CMIP: variants seen among roughly 807,000 people sequenced by gnomAD.
The protein encoded by CMIP is c-Maf inducing protein.
In CMIP, 13 loss-of-function variants were observed where a neutral mutation model predicts 97.3. The ratio of observed to expected loss-of-function variants is 0.13; its 90% CI spans 0.09 to 0.21. The LOEUF is 0.21. Among genes scored for constraint, CMIP ranks in the 10% least tolerant of loss-of-function variants. CMIP has a pLI of 1.00. For synonymous variants in CMIP, 538 were observed against 436.3 expected, an observed-to-expected ratio of 1.23 and a Z score of -2.91; for missense variants, 847 against 1,024.9, an observed-to-expected ratio of 0.83 and a Z score of 2.37.
Position 81,652,467 on chromosome 16 carries a change from GTGT to G in CMIP, c.639+109_639+111del. 9.6e-7 allele frequency: 1 copy of G among 1,040,650 alleles called. No homozygotes were observed. The highest frequency in any genetic ancestry group is 1.4e-6 in the Non-Finnish European group (1 of 705,618). The allele number at this position is 1,040,650 out of a possible 1,614,324, so 64.5% of individuals were successfully genotyped here. ...GCGCAGGCAGAGCTCCGTGTGGGCTGTGTTGTTGCCCTGCTGCCGAAGGAGGTG... is the reference window on the plus strand; with the variant it reads ...GCGCAGGCAGAGCTCCGTGTGGGCTGTGTTGCCCTGCTGCCGAAGGAGGTG... On this transcript the variant is annotated intron_variant, in intron 4 of 20. Transcript: ENST00000537098. The surrounding 1 kb of genome is among the most constrained non-coding windows in gnomAD (Gnocchi z 5.2).
At chr16:81,706,136 C>G (rs749915631) in intron 19 of CMIP, among the ~76,000 whole-genome samples, 11 of 152,228 alleles carry the variant, frequency 7.2e-5, no homozygotes, top group Non-Finnish European at 1.5e-4. Context: ...TCCTGTGTGC[C>G]AAACCCCAGG....
intron 10 of CMIP, among the ~76,000 whole-genome samples, chr16:81,687,892 G>A (rs1905589772): frequency 6.6e-6 from 1 of 152,188 alleles, no homozygotes; most frequent in African/African-American, 2.4e-5. Flanking sequence ...CTGTATCACA[G>A]CCCTGTGGTC....
chr16:81,546,492 T>C (rs1883197403), intron 1 of CMIP, among the ~76,000 whole-genome samples: 1 of 152,176 alleles, frequency 6.6e-6, no homozygotes, highest in Admixed American at 6.5e-5. Flanking sequence ...AGGCTCTCAG[T>C]TGCAGGCGGT....
At chr16:81,629,383 C>G (rs2092122446) in intron 3 of CMIP, among the ~76,000 whole-genome samples, 1 of 152,072 alleles carries the variant, frequency 6.6e-6, no homozygotes, top group Non-Finnish European at 1.5e-5. Flanking sequence ...AAGCCCAGAT[C>G]TGGCCTTGCA....
intron 1 of CMIP, among the ~76,000 whole-genome samples, chr16:81,572,020 C>T (rs899820100): frequency 6.6e-6 from 1 of 152,232 alleles, no homozygotes; most frequent in African/African-American, 2.4e-5. Flanking sequence ...TGGAGTCGCT[C>T]ACCAGGACGG....
chr16:81,562,036 G>T (rs1472449326), intron 1 of CMIP, among the ~76,000 whole-genome samples: 1 of 152,200 alleles, frequency 6.6e-6, no homozygotes, highest in African/African-American at 2.4e-5. Context: ...TCTATCTGCT[G>T]GTAAAGAGGG....
chr16:81,701,636 A>G, intron 15 of CMIP, 24 bp from the exon 16 acceptor site: 2 of 1,613,748 alleles, frequency 1.2e-6, no homozygotes, highest in East Asian at 2.2e-5. Flanking sequence ...CGGGTCCGTA[A>G]TGCACCCCTG....
At chr16:81,499,907 C>T (rs1188481706) in intron 1 of CMIP, among the ~76,000 whole-genome samples, 3 of 152,258 alleles carry the variant, frequency 2.0e-5, no homozygotes, top group East Asian at 1.9e-4. Flanking sequence ...TGGGAGGCAT[C>T]CAAACTCCTC....
At chr16:81,672,893 T>C (rs1332858602) in intron 9 of CMIP, among the ~76,000 whole-genome samples, 1 of 152,252 alleles carries the variant, frequency 6.6e-6, no homozygotes, top group African/African-American at 2.4e-5. Flanking sequence ...GAGCGCCTGC[T>C]GTGTGCTTGA....
chr16:81,578,923 C>T (rs191010955), intron 1 of CMIP, among the ~76,000 whole-genome samples: 20 of 152,368 alleles, frequency 1.3e-4, no homozygotes, highest in African/African-American at 4.1e-4. Context: ...GCTTCTTCTC[C>T]TTTCTGTGCT....
In CMIP at chr16:81,699,578, C is replaced by A. The variant is rs551643870; in HGVS notation, c.1639-107C>A. 1.1e-3 allele frequency: 727 copies of A among 688,412 alleles called. 2 individuals are homozygous for A. Among genetic ancestry groups the A allele is most frequent in the Non-Finnish European group, 1.6e-3 (611 of 381,282 alleles). The allele number at this position is 688,412 out of a possible 1,614,324, so 42.6% of individuals were successfully genotyped here. A position where few individuals can be genotyped will look rare whatever the true frequency, so the allele number is the denominator to read the frequency against. ...CTAGAACACCTGGCTGTCTGGACAG[C>A]GTGTAGGCAGGTCTGTTCAACGGCT... On this transcript the variant is annotated intron_variant, in intron 14 of 20. Transcript: ENST00000537098.
rs754226671 is a variant in CMIP, at chr16:81,495,529, T to C, written c.300+49988T>C. On this transcript the variant is annotated intron_variant, in intron 1 of 20. Transcript: ENST00000537098. Reference sequence around the variant, plus strand: ...CATGTGGGGAACGACTCTGTCCAGCTTGATGTCTGTGCCTAAAACCTCGCC... The same window carrying C: ...CATGTGGGGAACGACTCTGTCCAGCCTGATGTCTGTGCCTAAAACCTCGCC... The C allele has an allele frequency of 5.0e-6, 8 of 1,608,888 alleles. No individual in the cohort carries two copies. The Admixed American group carries it at 6.7e-5, about 14-fold the overall frequency.
intron 3 of CMIP, among the ~76,000 whole-genome samples, chr16:81,635,112 A>G (rs1402569023): frequency 6.6e-6 from 1 of 152,164 alleles, no homozygotes. Flanking sequence ...TTTTTTATTT[A>G]TTTGGTGGGT....
rs1308751625 is a variant in CMIP, at chr16:81,459,299, C to G, written c.300+13758C>G. ...GTCTCACAGTTTTCTTGGAAACCTT[C>G]TGGTGACCTTGGAGTCAAGGGAAGC... On this transcript the variant is annotated intron_variant, in intron 1 of 20. Transcript: ENST00000537098. 2.0e-5 allele frequency among the ~76,000 whole-genome samples: 3 copies of G among 152,222 alleles called. No individual in the cohort carries two copies. The East Asian group carries it at 5.8e-4, about 29-fold the overall frequency.
intron 1 of CMIP, among the ~76,000 whole-genome samples, chr16:81,572,677 T>A (rs912171559): frequency 6.6e-6 from 1 of 152,174 alleles, no homozygotes; most frequent in Admixed American, 6.5e-5. Context: ...CGTTGAGTCT[T>A]ACTTCAAGTC....
intron 1 of CMIP, among the ~76,000 whole-genome samples, chr16:81,521,220 C>T (rs982911390): frequency 6.6e-6 from 1 of 152,238 alleles, no homozygotes. Context: ...CGAGGCCTTT[C>T]GGCAAGCCTT....
At chr16:81,548,913 C>T (rs1225760643) in intron 1 of CMIP, among the ~76,000 whole-genome samples, 4 of 152,204 alleles carry the variant, frequency 2.6e-5, no homozygotes, top group Non-Finnish European at 4.4e-5. Context: ...TTGGGAACCA[C>T]TGCTTTACAC....
intron 1 of CMIP, among the ~76,000 whole-genome samples, chr16:81,456,863 G>T (rs1906580748): frequency 6.6e-6 from 1 of 152,190 alleles, no homozygotes; most frequent in Non-Finnish European, 1.5e-5. Flanking sequence ...TACCCTGACT[G>T]CACTGGGGCC....
intron 1 of CMIP, among the ~76,000 whole-genome samples, chr16:81,462,939 C>T (rs1906980986): frequency 6.6e-6 from 1 of 152,156 alleles, no homozygotes; most frequent in Non-Finnish European, 1.5e-5. Flanking sequence ...TTAAAGAATA[C>T]TAAGCATGAG....
Sources: gnomAD v4.1 joint callset for allele counts (sites outside exome capture counted in the v4.1 genomes callset) on GRCh38, gnomAD v4.1.1 for gene constraint, Gnocchi (gnomAD v3.1) non-coding constraint, MANE v1.5 for transcripts, NCBI Gene and HGNC (gene_info 2026-07-23, HGNC 2026-07-21) for gene names.